The following IKBKB-DT variants were observed in gnomAD, a reference collection of about 807,000 sequenced individuals.
The protein encoded by IKBKB-DT is IKBKB antisense RNA.
intron 3 of IKBKB-DT, among the ~76,000 whole-genome samples, chr8:42,252,571 T>G (rs1016681306): frequency 6.6e-5 from 10 of 152,194 alleles, no homozygotes; most frequent in Admixed American, 6.5e-4. Flanking sequence ...CTCACTAGGT[T>G]GATGAGGCTG....
intron 3 of IKBKB-DT, among the ~76,000 whole-genome samples, chr8:42,246,086 G>C (rs2129911297): frequency 6.6e-6 from 1 of 152,294 alleles, no homozygotes; most frequent in South Asian, 2.1e-4. Context: ...ACCCAGGCTA[G>C]AGCGCAGTGG....
intron 3 of IKBKB-DT, among the ~76,000 whole-genome samples, chr8:42,239,388 C>T (rs1806968988): frequency 6.6e-6 from 1 of 151,474 alleles, no homozygotes; most frequent in Admixed American, 6.6e-5. Context: ...GTGGCCTGGC[C>T]CGACCTGCTT....
At chr8:42,235,239 CTG>C (rs371487529) in intron 3 of IKBKB-DT, among the ~76,000 whole-genome samples, 2,110 of 128,698 alleles carry the variant, frequency 0.016, 47 homozygotes, top group African/African-American at 0.061. Flanking sequence ...GAGTCTCCCT[CTG>C]TCACCCACGC....
At chr8:42,260,668 C>CAAAAAAAAAAAAA (rs771731696) in intron 3 of IKBKB-DT, among the ~76,000 whole-genome samples, 1 of 44,932 alleles carries the variant, frequency 2.2e-5, no homozygotes, top group African/African-American at 6.1e-5. Context: ...GACTCTGTCT[C>CAAAAAAAAAAAAA]AAAAAAAAAA....
chr8:42,252,312 A>T (rs551480856), intron 3 of IKBKB-DT, among the ~76,000 whole-genome samples: 3 of 152,308 alleles, frequency 2.0e-5, no homozygotes, highest in African/African-American at 7.2e-5. Context: ...ATTCCACCAC[A>T]GAACCGGATG....
chr8:42,246,831 C>A (rs529854982), intron 3 of IKBKB-DT, among the ~76,000 whole-genome samples: 1 of 152,128 alleles, frequency 6.6e-6, no homozygotes, highest in African/African-American at 2.4e-5. Flanking sequence ...AATTTTTCCA[C>A]GGACCTGGGG....
At chr8:42,248,435 G>A (rs540542944) in intron 3 of IKBKB-DT, among the ~76,000 whole-genome samples, 22 of 152,094 alleles carry the variant, frequency 1.4e-4, no homozygotes, top group Non-Finnish European at 2.8e-4. Context: ...CATATCAATT[G>A]CTGGTGATGT....
chr8:42,271,173 G>T, exon 1 of IKBKB-DT: 1 of 595,032 alleles, frequency 1.7e-6, no homozygotes, highest in Non-Finnish European at 3.0e-6. Flanking sequence ...GAGACCACAC[G>T]CCACCCCCGC....
intron 1 of IKBKB-DT, among the ~76,000 whole-genome samples, chr8:42,268,801 A>G (rs151135152): frequency 0.033 from 5,039 of 150,544 alleles, 277 homozygotes; most frequent in African/African-American, 0.12. Flanking sequence ...TCCTGACCTC[A>G]AGTGATCTGC....
intron 3 of IKBKB-DT, among the ~76,000 whole-genome samples, chr8:42,249,933 T>A (rs1028669280): frequency 2.0e-5 from 3 of 151,598 alleles, no homozygotes; most frequent in South Asian, 2.1e-4. Context: ...AAAAAAAAAA[T>A]TCAGCTGGGT....
intron 3 of IKBKB-DT, among the ~76,000 whole-genome samples, chr8:42,247,203 G>A (rs1807075355): frequency 6.6e-6 from 1 of 152,202 alleles, no homozygotes; most frequent in Non-Finnish European, 1.5e-5. Context: ...CAAAGCCACA[G>A]GGGTGGAGCT....
intron 3 of IKBKB-DT, among the ~76,000 whole-genome samples, chr8:42,252,418 T>A (rs1176897739): frequency 4.6e-5 from 7 of 152,196 alleles, no homozygotes; most frequent in Non-Finnish European, 5.9e-5. Context: ...CCTGCGTGTG[T>A]CTGCATCCTC....
At chr8:42,236,730 C>T (rs1362044416) in intron 3 of IKBKB-DT, among the ~76,000 whole-genome samples, 2 of 152,096 alleles carry the variant, frequency 1.3e-5, no homozygotes, top group Non-Finnish European at 1.5e-5. Flanking sequence ...GCACTCCAGC[C>T]TGGGCAAAAA....
At chr8:42,235,436 C>T (rs1263708352) in intron 3 of IKBKB-DT, among the ~76,000 whole-genome samples, 2 of 152,056 alleles carry the variant, frequency 1.3e-5, no homozygotes, top group Non-Finnish European at 2.9e-5. Flanking sequence ...AACTCCTGGC[C>T]TCAAGTGATC....
chr8:42,248,094 G>GGAA (rs1395195451), intron 3 of IKBKB-DT, among the ~76,000 whole-genome samples: 2 of 132,012 alleles, frequency 1.5e-5, no homozygotes, highest in African/African-American at 5.5e-5. Flanking sequence ...CTCCGTCTCG[G>GGAA]AAAAAAAAAA....
At chr8:42,257,804 A>T (rs28829725) in intron 3 of IKBKB-DT, among the ~76,000 whole-genome samples, 8,741 of 152,128 alleles carry the variant, frequency 0.057, 765 homozygotes, top group African/African-American at 0.19. Flanking sequence ...TTTTTTTTTT[A>T]AAAGTCAAAA....
In IKBKB-DT at chr8:42,234,962, C is replaced by T. The variant is rs144577626; in HGVS notation, n.1530-1103G>A. On this transcript the variant is annotated intron_variant and non_coding_transcript_variant, in intron 3 of 3. Transcript: ENST00000518213. ...AGTTTAAATGATAATAGTCCTTCCCCAAAATTAAACTGTTATAAAACTAAT... is the reference window on the plus strand; with the variant it reads ...AGTTTAAATGATAATAGTCCTTCCCTAAAATTAAACTGTTATAAAACTAAT... Among the ~76,000 whole-genome samples the T allele has an allele frequency of 3.9e-4, 60 of 152,036 alleles. No individual in the cohort carries two copies. In the Middle Eastern group the frequency reaches 0.01, roughly 26 times the overall value.
At chr8:42,267,596 C>G (rs1809746407) in intron 1 of IKBKB-DT, among the ~76,000 whole-genome samples, 1 of 152,066 alleles carries the variant, frequency 6.6e-6, no homozygotes, top group Admixed American at 6.6e-5. Context: ...CTGGGCTGAG[C>G]TAGGCACTCT....
chr8:42,236,830 A>G (rs1440858517), intron 3 of IKBKB-DT, among the ~76,000 whole-genome samples: 2 of 152,234 alleles, frequency 1.3e-5, no homozygotes, highest in Non-Finnish European at 2.9e-5. Flanking sequence ...AAAAAATTTC[A>G]AGAGCAAATA....
Sources: gnomAD v4.1 joint callset for allele counts (sites outside exome capture counted in the v4.1 genomes callset) on GRCh38, gnomAD v4.1.1 for gene constraint, MANE v1.5 for transcripts, NCBI Gene and HGNC (gene_info 2026-07-23, HGNC 2026-07-21) for gene names.